USP49: variants seen among roughly 807,000 people sequenced by gnomAD.
USP49 encodes ubiquitin specific peptidase 49.
A neutral mutation model predicts 58.6 loss-of-function variants in USP49; 24 were observed. That is an observed-to-expected ratio of 0.41 (90% CI 0.30 to 0.58). The LOEUF (loss-of-function observed/expected upper bound fraction) is 0.58, where lower values mean the gene tolerates loss of function less well. USP49 is among the 20% of genes least tolerant of loss of function. The pLI, the probability that USP49 is intolerant of heterozygous loss-of-function variation, is 0.30. For missense variants in USP49, 703 were observed against 866.1 expected (o/e 0.81, Z 2.36); for synonymous variants, 408 against 365.1 (o/e 1.12, Z -1.34).
Position 41,792,606 on chromosome 6 carries a change from C to CAAGG in USP49, c.*3926_*3927insCCTT, listed in dbSNP as rs1337076181. 1.3e-5 allele frequency: 2 copies of CAAGG among 152,226 alleles called. No homozygotes were observed. The highest frequency in any genetic ancestry group is 4.8e-5 in the African/African-American group (2 of 41,470). The allele number at this position is 152,226 out of a possible 1,614,324, so 9.4% of individuals were successfully genotyped here. On this transcript the variant is annotated 3_prime_UTR_variant, in exon 8 of 8. Coordinates refer to ENST00000682992, the MANE Select transcript of USP49 (RefSeq NM_001286554.2). ...AGTGAAAAACAATGGAGTACACAGT[C>CAAGG]TGCCTTGAAAAGCAGCCATTTGATG... is the stretch of plus-strand genomic sequence containing the variant.
rs1311246880 is a variant in USP49 at position 41,806,371 on chromosome 6, GA to G, written c.612del (p.Pro205ArgfsTer60). On this transcript the variant is annotated frameshift_variant, in exon 4 of 8. Coordinates refer to ENST00000682992, the MANE Select transcript of USP49 (RefSeq NM_001286554.2). LOFTEE classifies it high-confidence loss of function. This position sits in a 1 kb window ranked among gnomAD's most constrained non-coding sequence, Gnocchi z 5.9. ...AGGAGCAGCCGTGCACTCTTGCGCG[GA>G]GGGGTGCTGGCCAGCTCCTCCAGCA... ...RRLLEELAST[P>X]PRKSARLLLH... The G allele has an allele frequency of 1.3e-6, 2 of 1,539,158 alleles. No homozygotes were observed.
intron 3 of USP49, among the ~76,000 whole-genome samples, chr6:41,849,862 C>T (rs1036045617): frequency 2.0e-5 from 3 of 152,112 alleles, no homozygotes; most frequent in African/African-American, 7.2e-5. Flanking sequence ...GCTTCGACCT[C>T]CCAAAGTGCT....
At chr6:41,817,457 C>CTTT (rs58559695) in intron 3 of USP49, among the ~76,000 whole-genome samples, 15 of 74,726 alleles carry the variant, frequency 2.0e-4, no homozygotes, top group African/African-American at 3.4e-4. Flanking sequence ...TTCTTTCTTT[C>CTTT]TTTTTTTTTT....
At chr6:41,807,475 C>G (rs1203686060) in intron 3 of USP49, among the ~76,000 whole-genome samples, 1 of 152,200 alleles carries the variant, frequency 6.6e-6, no homozygotes, top group Admixed American at 6.5e-5. Context: ...CGGGGTCACT[C>G]TGTCGCCCAG....
rs143263729 is a variant in USP49, at chr6:41,820,257, G to T, written c.-28-13246C>A. Reference sequence around the variant, plus strand: ...GCACATATTTAAAGTTTATAATTTGGTAAGTTTTAATATATGATATAGTTG... The same window carrying T: ...GCACATATTTAAAGTTTATAATTTGTTAAGTTTTAATATATGATATAGTTG... On this transcript the variant is annotated intron_variant, in intron 3 of 7. Transcript: ENST00000682992. Among the ~76,000 whole-genome samples the T allele has an allele frequency of 9.7e-4, 146 of 151,102 alleles. 2 individuals are homozygous for T. The East Asian group carries it at 0.015, about 15-fold the overall frequency.
intron 3 of USP49, among the ~76,000 whole-genome samples, chr6:41,827,236 G>A (rs1773554871): frequency 6.6e-6 from 1 of 152,148 alleles, no homozygotes; most frequent in Non-Finnish European, 1.5e-5. Context: ...AGAACCTTTA[G>A]AGATAAGGTC....
rs376704149 is a variant in USP49 at position 41,806,996 on chromosome 6, T to A, written c.-13A>T. The A allele has an allele frequency of 6.8e-7, 1 of 1,462,866 alleles. No individual in the cohort carries two copies. The highest frequency in any genetic ancestry group is 1.4e-5 in the African/African-American group (1 of 70,180). The allele number at this position is 1,462,866 out of a possible 1,614,324, so 90.6% of individuals were successfully genotyped here. A position where few individuals can be genotyped will look rare whatever the true frequency, so the allele number is the denominator to read the frequency against. Reference sequence around the variant, plus strand: ...TGCATCTATCCATGTCTTATAGAAGTCGCCACTTTCTCAACCTGGCACGAC... The same window carrying A: ...TGCATCTATCCATGTCTTATAGAAGACGCCACTTTCTCAACCTGGCACGAC... On this transcript the variant is annotated 5_prime_UTR_variant, in exon 4 of 8. Transcript: ENST00000682992. This position sits in a 1 kb window ranked among gnomAD's most constrained non-coding sequence, Gnocchi z 5.9.
At chr6:41,854,303 C>A (rs555517655) in intron 3 of USP49, among the ~76,000 whole-genome samples, 1 of 125,660 alleles carries the variant, frequency 8.0e-6, no homozygotes, top group East Asian at 2.3e-4. Flanking sequence ...TGCGACAGAG[C>A]GAGACTCTGT....
At chr6:41,802,381 ATTTATTTTAT>A (rs139113547) in intron 5 of USP49, among the ~76,000 whole-genome samples, 7 of 101,992 alleles carry the variant, frequency 6.9e-5, no homozygotes, top group African/African-American at 2.5e-4. Flanking sequence ...GTTTCCCACA[ATTTATTTTAT>A]TTTATTTTAT....
At chr6:41,842,881 T>C (rs1047786081) in intron 3 of USP49, among the ~76,000 whole-genome samples, 1 of 149,796 alleles carries the variant, frequency 6.7e-6, no homozygotes, top group Non-Finnish European at 1.5e-5. Context: ...ATATATTATA[T>C]ATAAATACTA....
At chr6:41,877,993 C>T (rs1007265245) in intron 2 of USP49, among the ~76,000 whole-genome samples, 13 of 152,114 alleles carry the variant, frequency 8.5e-5, no homozygotes, top group African/African-American at 3.1e-4. Flanking sequence ...ACTCCAGGCT[C>T]CAGGGCTCAA....
chr6:41,880,128 A>G (rs1774578079), intron 2 of USP49, among the ~76,000 whole-genome samples: 1 of 146,188 alleles, frequency 6.8e-6, no homozygotes, highest in Non-Finnish European at 1.5e-5. Context: ...ACTATTAAAA[A>G]GCAACATTCA....
intron 3 of USP49, among the ~76,000 whole-genome samples, chr6:41,847,478 G>A (rs759327467): frequency 3.3e-5 from 5 of 152,108 alleles, no homozygotes; most frequent in Non-Finnish European, 7.4e-5. Context: ...CACTTTAGGA[G>A]GCCGAGGCAG....
chr6:41,828,260 T>TG (rs1773576083), intron 3 of USP49, among the ~76,000 whole-genome samples: 1 of 151,624 alleles, frequency 6.6e-6, no homozygotes, highest in Admixed American at 6.6e-5. Flanking sequence ...CTGGCCAACA[T>TG]GGGGAAACCC....
intron 3 of USP49, among the ~76,000 whole-genome samples, chr6:41,843,814 C>T (rs1026744445): frequency 4.6e-5 from 7 of 152,018 alleles, no homozygotes; most frequent in Middle Eastern, 3.2e-3. Context: ...GAAGCTGCGG[C>T]GGGCAGATCA....
At chr6:41,869,770 C>T (rs1477110774) in intron 3 of USP49, 1 of 151,112 alleles carries the variant, frequency 6.6e-6, no homozygotes, top group Non-Finnish European at 1.5e-5. Context: ...AATAGATTGA[C>T]AGAAACACAA....
intron 2 of USP49, among the ~76,000 whole-genome samples, chr6:41,878,340 AC>A (rs1453493838): frequency 4.6e-5 from 7 of 152,170 alleles, no homozygotes; most frequent in Non-Finnish European, 7.4e-5. Context: ...ATTTTAACTG[AC>A]AGCTTAATAA....
At position 41,807,054 on chromosome 6, in the gene USP49, C is replaced by T. The variant is rs1253867598; in HGVS notation, c.-28-43G>A. 8.8e-5 allele frequency: 108 copies of T among 1,231,266 alleles called. No individual in the cohort carries two copies. The East Asian group carries it at 1.1e-3, about 12-fold the overall frequency. The allele number at this position is 1,231,266 out of a possible 1,614,324, so 76.3% of individuals were successfully genotyped here. A position where few individuals can be genotyped will look rare whatever the true frequency, so the allele number is the denominator to read the frequency against. On this transcript the variant is annotated intron_variant, in intron 3 of 7. Transcript: ENST00000682992. ...CCAAAAAAGAAAAAGAAAAAGAAAA[C>T]ACTTTTAGAAAAATATTTTCCTTAA...
chr6:41,832,386 A>G (rs1336435453), intron 3 of USP49, among the ~76,000 whole-genome samples: 2 of 152,210 alleles, frequency 1.3e-5, no homozygotes, highest in Non-Finnish European at 2.9e-5. Context: ...CTAGCTACAT[A>G]TGTATGTACT....
Sources: allele counts gnomAD v4.1 joint callset (sites outside exome capture counted in the v4.1 genomes callset), GRCh38; gene constraint gnomAD v4.1.1; non-coding constraint Gnocchi (gnomAD v3.1); transcripts MANE v1.5; gene names NCBI Gene and HGNC (gene_info 2026-07-23, HGNC 2026-07-21).